Variants in WIPF1 observed in about 807,000 individuals in gnomAD.
WIPF1 encodes WAS/WASL interacting protein family member 1, also known as WAS/WASL-interacting protein family member 1.
WIPF1 carries 13 observed loss-of-function variants against 35.4 expected under a neutral mutation model. That is an observed-to-expected ratio of 0.37 (90% CI 0.24 to 0.58). WIPF1 has a LOEUF of 0.58. WIPF1 is among the 20% of genes least tolerant of loss of function. The pLI is 0.74. For missense variants in WIPF1, 591 were observed against 667.0 expected, an observed-to-expected ratio of 0.89 and a Z score of 1.25; for synonymous variants, 267 against 266.3, an observed-to-expected ratio of 1.00 and a Z score of -0.02.
At chr2:174,673,323 C>A (rs1390098886) in intron 1 of WIPF1, 1 of 152,202 alleles carries the variant, frequency 6.6e-6, no homozygotes, top group Non-Finnish European at 1.5e-5. Context: ...AGGATTGGGT[C>A]CCATATGGGG....
At chr2:174,649,764 A>T (rs749188994) in intron 1 of WIPF1, among the ~76,000 whole-genome samples, 43 of 152,292 alleles carry the variant, frequency 2.8e-4, no homozygotes, top group Admixed American at 7.8e-4. Context: ...CTCCTGACTG[A>T]CCATCACATA....
In WIPF1 at chr2:174,562,570, G is replaced by T; in HGVS notation, c.1489C>A (p.Pro497Thr). 1 of 1,614,192 alleles carries T rather than the reference G, an allele frequency of 6.2e-7. No individual in the cohort carries two copies. The highest frequency in any genetic ancestry group is 1.1e-5 in the South Asian group (1 of 91,078). The change falls in exon 8 of 8, where the codon CCA (proline) becomes ACA (threonine). Residue 497 changes from proline to threonine, a missense_variant. Pro to Thr is a conservative substitution (Grantham distance 38). Coordinates refer to ENST00000679041, the MANE Select transcript of WIPF1 (RefSeq NM_001375834.1). ...GSNRRERGAP[P>T]LPPIPR ...GATCACCTCGGGATGGGAGGGAGTG[G>T]TGGAGCACCCCTTTCTCTTCGGTTG...
chr2:174,665,893 A>G (rs1411447793), intron 1 of WIPF1, among the ~76,000 whole-genome samples: 1 of 152,202 alleles, frequency 6.6e-6, no homozygotes, highest in African/African-American at 2.4e-5. Flanking sequence ...CTGTCATTCA[A>G]GTGGAGGAAT....
intron 1 of WIPF1, among the ~76,000 whole-genome samples, chr2:174,621,968 G>T (rs1307682859): frequency 6.6e-6 from 1 of 152,162 alleles, no homozygotes; most frequent in Non-Finnish European, 1.5e-5. Flanking sequence ...AGAACAATGA[G>T]GAAGCCCGCT....
chr2:174,586,252 CTG>C (rs1245425019), intron 1 of WIPF1, among the ~76,000 whole-genome samples: 1 of 152,182 alleles, frequency 6.6e-6, no homozygotes, highest in Non-Finnish European at 1.5e-5. Context: ...ATCCCTATCT[CTG>C]TGCTCCTTAG....
At chr2:174,679,772 A>C (rs931535666) in intron 1 of WIPF1, among the ~76,000 whole-genome samples, 1 of 152,238 alleles carries the variant, frequency 6.6e-6, no homozygotes, top group African/African-American at 2.4e-5. Context: ...ATTACTCAAA[A>C]CTATACAAGG....
intron 1 of WIPF1, among the ~76,000 whole-genome samples, chr2:174,608,698 A>G (rs935212453): frequency 8.5e-5 from 13 of 152,202 alleles, no homozygotes; most frequent in Admixed American, 8.5e-4. Context: ...ATACTTGTGC[A>G]CACACACTGA....
chr2:174,573,953 A>G (rs1183006874), intron 4 of WIPF1, among the ~76,000 whole-genome samples: 1 of 150,748 alleles, frequency 6.6e-6, no homozygotes, highest in East Asian at 1.9e-4. Flanking sequence ...GCAGTGGTGC[A>G]ATCACGGCTC....
chr2:174,639,883 T>A (rs898792109), intron 1 of WIPF1, among the ~76,000 whole-genome samples: 2 of 152,216 alleles, frequency 1.3e-5, no homozygotes, highest in African/African-American at 4.8e-5. Flanking sequence ...TTGATTTTTG[T>A]ATATGATGAA....
intron 1 of WIPF1, among the ~76,000 whole-genome samples, chr2:174,604,816 T>C (rs1368817146): frequency 6.6e-6 from 1 of 152,194 alleles, no homozygotes; most frequent in Non-Finnish European, 1.5e-5. Context: ...GGGATTATGG[T>C]GTTCTGGACT....
At chr2:174,660,960 G>C (rs533131302) in intron 1 of WIPF1, among the ~76,000 whole-genome samples, 1 of 152,378 alleles carries the variant, frequency 6.6e-6, no homozygotes, top group South Asian at 2.1e-4. Context: ...ACCTGACGGA[G>C]GCTGGAACTG....
chr2:174,679,186 C>T lies in WIPF1; in HGVS notation c.-39+3588G>A, dbSNP rs538833936. Among the ~76,000 whole-genome samples the T allele has an allele frequency of 1.6e-3, 239 of 152,236 alleles. 1 individual carries two copies. The highest frequency in any genetic ancestry group is 2.7e-3 in the Non-Finnish European group (186 of 68,014). ...TACTCTCATTTCAAAATTGAAGATACAGGGCTGGGTGCGGTGGCTCACGGC... is the reference window on the plus strand; with the variant it reads ...TACTCTCATTTCAAAATTGAAGATATAGGGCTGGGTGCGGTGGCTCACGGC... On this transcript the variant is annotated intron_variant, in intron 1 of 8. Coordinates refer to the WIPF1 transcript ENST00000272746.
intron 1 of WIPF1, among the ~76,000 whole-genome samples, chr2:174,675,355 T>C (rs1206914116): frequency 6.6e-6 from 1 of 151,966 alleles, no homozygotes; most frequent in Non-Finnish European, 1.5e-5. Context: ...ATTTTTATTT[T>C]TATCTACTTA....
At chr2:174,644,843 T>G (rs558307440) in intron 1 of WIPF1, among the ~76,000 whole-genome samples, 8 of 152,348 alleles carry the variant, frequency 5.3e-5, no homozygotes, top group African/African-American at 1.4e-4. Flanking sequence ...AAACAAGAAT[T>G]CACAATCTTT....
At position 174,589,460 on chromosome 2, in the gene WIPF1, G is replaced by A. The variant is rs530219728; in HGVS notation, c.-38-3849C>T. Among the ~76,000 whole-genome samples, 171 of 152,234 alleles carry A rather than the reference G, an allele frequency of 1.1e-3. 1 individual carries two copies. The highest frequency in any genetic ancestry group is 4.0e-3 in the African/African-American group (167 of 41,534). On this transcript the variant is annotated intron_variant, in intron 1 of 7. Transcript: ENST00000679041. ...GAGAAGTAGAGCCCCAAGGCCCTGG[G>A]AGAGGAGGGCTTCCCTCCTCTCATG...
intron 3 of WIPF1, among the ~76,000 whole-genome samples, chr2:174,578,017 TATG>T (rs1685116495): frequency 6.6e-6 from 1 of 152,196 alleles, no homozygotes; most frequent in Non-Finnish European, 1.5e-5. Context: ...TTCTCTTATC[TATG>T]ATGATAAGTG....
chr2:174,615,380 T>C (rs911289618), intron 1 of WIPF1, among the ~76,000 whole-genome samples: 1 of 152,222 alleles, frequency 6.6e-6, no homozygotes, highest in Admixed American at 6.5e-5. Context: ...ACAATCACTA[T>C]AAATGTAGCA....
intron 1 of WIPF1, among the ~76,000 whole-genome samples, chr2:174,662,644 C>T (rs184307148): frequency 2.6e-5 from 4 of 152,276 alleles, no homozygotes; most frequent in African/African-American, 9.6e-5. Context: ...ATTTCCAGCC[C>T]GTCACGGCAG....
chr2:174,621,746 C>G (rs1686683052), intron 1 of WIPF1, among the ~76,000 whole-genome samples: 1 of 152,058 alleles, frequency 6.6e-6, no homozygotes, highest in South Asian at 2.1e-4. Flanking sequence ...TTTATATTGT[C>G]CTTTCATACT....
Sources: gnomAD v4.1 joint callset for allele counts (sites outside exome capture counted in the v4.1 genomes callset) on GRCh38, gnomAD v4.1.1 for gene constraint, MANE v1.5 for transcripts, NCBI Gene and HGNC (gene_info 2026-07-23, HGNC 2026-07-21) for gene names.